The following FBXW7 variants were observed in gnomAD, a reference collection of about 807,000 sequenced individuals.
The protein encoded by FBXW7 is F-box/WD repeat-containing protein 7.
FBXW7 carries 11 observed loss-of-function variants against 86.3 expected under a neutral mutation model. That is an observed-to-expected ratio of 0.13 (90% CI 0.08 to 0.21). FBXW7 has a LOEUF of 0.21. Ranked by LOEUF, FBXW7 falls within the 10% of genes least tolerant of loss-of-function variation. The pLI, the probability that FBXW7 is intolerant of heterozygous loss-of-function variation, is 1.00. For synonymous variants in FBXW7, 313 were observed against 297.9 expected (o/e 1.05, Z -0.52); for missense variants, 488 against 847.4 (o/e 0.58, Z 5.27).
At chr4:152,489,330 T>G (rs116239055) in intron 2 of FBXW7, 1 of 154,480 alleles carries the variant, frequency 6.5e-6, no homozygotes, top group Non-Finnish European at 1.5e-5. Flanking sequence ...GAAAAGTCAC[T>G]CCTGAACTAC....
chr4:152,344,852 T>C (rs1731100941), intron 6 of FBXW7, among the ~76,000 whole-genome samples: 1 of 152,156 alleles, frequency 6.6e-6, no homozygotes, highest in South Asian at 2.1e-4. Context: ...AAGTAAATCT[T>C]ACTCTGAACT....
chr4:152,501,349 C>T (rs1746930917), intron 2 of FBXW7, among the ~76,000 whole-genome samples: 1 of 152,196 alleles, frequency 6.6e-6, no homozygotes, highest in Non-Finnish European at 1.5e-5. Flanking sequence ...AGTTTTCAGA[C>T]ATCTCCTTAT....
intron 2 of FBXW7, among the ~76,000 whole-genome samples, chr4:152,522,199 G>A (rs1439759210): frequency 2.0e-5 from 3 of 151,840 alleles, no homozygotes; most frequent in Admixed American, 6.6e-5. Context: ...TACACACTAC[G>A]GCACTCATAT....
intron 4 of FBXW7, among the ~76,000 whole-genome samples, chr4:152,383,472 T>C (rs539090864): frequency 1.3e-5 from 2 of 152,238 alleles, no homozygotes; most frequent in African/African-American, 2.4e-5. Context: ...TGTTAATTAA[T>C]CTTTATACTA....
At chr4:152,461,686 A>G (rs1296306663) in intron 2 of FBXW7, among the ~76,000 whole-genome samples, 1 of 152,196 alleles carries the variant, frequency 6.6e-6, no homozygotes, top group African/African-American at 2.4e-5. Flanking sequence ...CTTTATTTGC[A>G]TATCTAATAA....
chr4:152,404,280 A>G (rs1307205409), intron 4 of FBXW7, among the ~76,000 whole-genome samples: 1 of 152,228 alleles, frequency 6.6e-6, no homozygotes, highest in Non-Finnish European at 1.5e-5. Flanking sequence ...CACATAGAAT[A>G]ATAATTGGTT....
At position 152,326,181 on chromosome 4, in the gene FBXW7, G is replaced by A. The variant is rs2126496559; in HGVS notation, c.1469C>T (p.Thr490Ile). Residue 490 changes from threonine (T) to isoleucine (I), a missense_variant, in exon 12 of 14, where the codon ACA becomes ATA. Physicochemically the swap from Thr to Ile is moderately conservative, Grantham distance 89. Coordinates refer to ENST00000281708, the MANE Select transcript of FBXW7 (RefSeq NM_001349798.2). ...DATLRVWDIE[T>I]GQCLHVLMGH... ...CATCAAAACATGTAAACACTGGCCT[G>A]TCTCAATATCCCAAACCCTAAGAGT... 6.2e-7 allele frequency: 1 copy of A among 1,613,220 alleles called. No homozygotes were observed. The highest frequency in any genetic ancestry group is 8.5e-7 in the Non-Finnish European group (1 of 1,179,468).
intron 2 of FBXW7, among the ~76,000 whole-genome samples, chr4:152,429,210 A>T (rs1739663537): frequency 2.6e-5 from 4 of 152,190 alleles, no homozygotes. Flanking sequence ...AGAACACTTT[A>T]GAAAGCAAGA....
chr4:152,509,927 A>G (rs1747803482), intron 2 of FBXW7, among the ~76,000 whole-genome samples: 1 of 152,232 alleles, frequency 6.6e-6, no homozygotes, highest in African/African-American at 2.4e-5. Flanking sequence ...AGTAAGGTTA[A>G]AGAGCTTGTT....
intron 2 of FBXW7, among the ~76,000 whole-genome samples, chr4:152,480,388 A>C (rs149356703): frequency 7.2e-5 from 11 of 152,152 alleles, no homozygotes; most frequent in South Asian, 2.1e-4. Flanking sequence ...GCCAATCCCT[A>C]TCTCTCTCCC....
intron 4 of FBXW7, among the ~76,000 whole-genome samples, chr4:152,395,168 T>C (rs1399661715): frequency 2.0e-5 from 3 of 152,086 alleles, no homozygotes; most frequent in African/African-American, 4.8e-5. Flanking sequence ...TCAGTTTACA[T>C]GAAAATCAGT....
intron 5 of FBXW7, among the ~76,000 whole-genome samples, chr4:152,348,285 CTA>C (rs1439284074): frequency 6.6e-6 from 1 of 151,974 alleles, no homozygotes; most frequent in African/African-American, 2.4e-5. Flanking sequence ...GCAATTAAAT[CTA>C]TCTTTTCTTC....
intron 2 of FBXW7, among the ~76,000 whole-genome samples, chr4:152,456,981 G>A (rs988294714): frequency 1.3e-5 from 2 of 152,078 alleles, no homozygotes; most frequent in African/African-American, 4.8e-5. Flanking sequence ...CAGCTAAATG[G>A]AAATGGGCAA....
chr4:152,344,173 A>G (rs1731023592), intron 6 of FBXW7, among the ~76,000 whole-genome samples: 1 of 152,162 alleles, frequency 6.6e-6, no homozygotes, highest in African/African-American at 2.4e-5. Context: ...TTATGAAATT[A>G]TATCTCTACA....
intron 11 of FBXW7, among the ~76,000 whole-genome samples, chr4:152,326,916 T>C (rs1729084220): frequency 6.6e-6 from 1 of 152,110 alleles, no homozygotes; most frequent in Non-Finnish European, 1.5e-5. Context: ...TATAAAAATA[T>C]TAAGAGATAA....
At chr4:152,323,631 T>C (rs1728741381) in intron 13 of FBXW7, 1 of 175,254 alleles carries the variant, frequency 5.7e-6, no homozygotes, top group African/African-American at 2.4e-5. Flanking sequence ...AAAAAACACT[T>C]TCTAAGGGCT....
At chr4:152,474,580 CA>C in intron 2 of FBXW7, among the ~76,000 whole-genome samples, 1 of 152,308 alleles carries the variant, frequency 6.6e-6, no homozygotes, top group Non-Finnish European at 1.5e-5. Flanking sequence ...TTTCACAAAT[CA>C]AACTAGTACA....
At chr4:152,454,174 G>C (rs1396721262) in intron 2 of FBXW7, among the ~76,000 whole-genome samples, 1 of 150,380 alleles carries the variant, frequency 6.6e-6, no homozygotes, top group Non-Finnish European at 1.5e-5. Context: ...GATCTAAACA[G>C]AATCCAAAGA....
chr4:152,321,809 GCT>G lies in FBXW7; in HGVS notation c.*1070_*1071del, dbSNP rs1307651265. 5 of 232,852 alleles carry G rather than the reference GCT, an allele frequency of 2.1e-5. No individual in the cohort carries two copies. The highest frequency in any genetic ancestry group is 4.4e-5 in the African/African-American group (2 of 45,404). 14.4% of individuals were successfully genotyped at this position (232,852 alleles called of 1,614,324 possible). A position where few individuals can be genotyped will look rare whatever the true frequency, so the allele number is the denominator to read the frequency against. ...TTCTCCACAGAACAGGCAAGTAATAGCTCTGTTCCAAGGAATGTGTTTTAATT... is the reference window on the plus strand; with the variant it reads ...TTCTCCACAGAACAGGCAAGTAATAGCTGTTCCAAGGAATGTGTTTTAATT... On this transcript the variant is annotated 3_prime_UTR_variant, in exon 14 of 14. Coordinates refer to ENST00000281708, the MANE Select transcript of FBXW7 (RefSeq NM_001349798.2).
Sources: allele counts gnomAD v4.1 joint callset (sites outside exome capture counted in the v4.1 genomes callset), GRCh38; gene constraint gnomAD v4.1.1; transcripts MANE v1.5; gene names NCBI Gene and HGNC (gene_info 2026-07-23, HGNC 2026-07-21).